Variants in BAIAP2 observed in about 807,000 individuals in gnomAD.
BAIAP2 encodes the protein BAR/IMD domain-containing adapter protein 2.
In BAIAP2, 18 loss-of-function variants were observed where a neutral mutation model predicts 63.0. The ratio of observed to expected loss-of-function variants is 0.29; its 90% CI spans 0.20 to 0.42. The LOEUF (loss-of-function observed/expected upper bound fraction) is 0.42, where lower values mean the gene tolerates loss of function less well. Ranked by LOEUF, BAIAP2 falls within the 10% of genes least tolerant of loss-of-function variation. The probability of loss-of-function intolerance (pLI) is 1.00; values close to 1 mark genes in which losing one functional copy is unlikely to be tolerated. For missense variants in BAIAP2, 610 were observed against 734.3 expected (o/e 0.83, Z 1.96); for synonymous variants, 386 against 307.6 (o/e 1.25, Z -2.67).
intron 1 of BAIAP2, among the ~76,000 whole-genome samples, chr17:81,051,570 T>G (rs1287006566): frequency 6.6e-6 from 1 of 152,188 alleles, no homozygotes; most frequent in Non-Finnish European, 1.5e-5. Flanking sequence ...CGGCTTTTTG[T>G]ATTTTTAGTA....
chr17:81,110,246 G>A (rs1375419266), intron 13 of BAIAP2: 46 of 984,822 alleles, frequency 4.7e-5, no homozygotes, highest in Admixed American at 2.5e-4. Context: ...AGCTCAAGAC[G>A]CGGACCGCGT....
chr17:81,100,839 G>T (rs2058384392), intron 7 of BAIAP2, among the ~76,000 whole-genome samples: 1 of 152,120 alleles, frequency 6.6e-6, no homozygotes. Flanking sequence ...TGGTCACAGG[G>T]TCCTCCCCTG....
At chr17:81,091,062 G>A (rs2056660076) in intron 6 of BAIAP2, among the ~76,000 whole-genome samples, 1 of 87,730 alleles carries the variant, frequency 1.1e-5, no homozygotes, top group Non-Finnish European at 2.7e-5. Flanking sequence ...CCACTTGTGT[G>A]GACCCGCCCC....
chr17:81,060,019 G>T (rs189098600), intron 3 of BAIAP2, among the ~76,000 whole-genome samples: 2 of 152,176 alleles, frequency 1.3e-5, no homozygotes, highest in African/African-American at 4.8e-5. Flanking sequence ...AGACGTGAGG[G>T]CTCTTACTTG....
In BAIAP2 at chr17:81,116,230, G is replaced by A; in HGVS notation, c.*391G>A. ...AATAAACAGGCTTCTCCTGCACCAGGTGTGATCTGTCCGCCCAAGGGCCAG... is the reference window on the plus strand; with the variant it reads ...AATAAACAGGCTTCTCCTGCACCAGATGTGATCTGTCCGCCCAAGGGCCAG... On this transcript the variant is annotated 3_prime_UTR_variant, in exon 14 of 14. Coordinates refer to ENST00000428708, the MANE Select transcript of BAIAP2 (RefSeq NM_001144888.2). The A allele has an allele frequency of 6.2e-7, 1 of 1,612,336 alleles. No individual in the cohort carries two copies. The highest frequency in any genetic ancestry group is 8.5e-7 in the Non-Finnish European group (1 of 1,179,592).
chr17:81,069,159 T>G (rs2052080118), intron 3 of BAIAP2, among the ~76,000 whole-genome samples: 1 of 152,182 alleles, frequency 6.6e-6, no homozygotes, highest in South Asian at 2.1e-4. Context: ...CTCCGAATGG[T>G]GGGTCCACGG....
intron 3 of BAIAP2, 75 bp from the exon 4 acceptor site, chr17:81,084,757 A>T: frequency 1.3e-6 from 2 of 1,484,594 alleles, no homozygotes; most frequent in Non-Finnish European, 1.9e-6. Context: ...GGTGGCTGTC[A>T]GCCCAGAGTG....
chr17:81,077,269 A>G (rs1366265957), intron 3 of BAIAP2, among the ~76,000 whole-genome samples: 1 of 152,080 alleles, frequency 6.6e-6, no homozygotes, highest in Non-Finnish European at 1.5e-5. Context: ...CACACCGGCC[A>G]CAGTCCCAAT....
chr17:81,116,092 C>A lies in BAIAP2; in HGVS notation c.*253C>A, dbSNP rs961134157. On this transcript the variant is annotated 3_prime_UTR_variant, in exon 14 of 14. Coordinates refer to ENST00000428708, the MANE Select transcript of BAIAP2 (RefSeq NM_001144888.2). ...GCTGAGGGGCCGCCTCTTGAGGGTACACGCCTCTGGTCACATGGCCATGGA... is the reference window on the plus strand; with the variant it reads ...GCTGAGGGGCCGCCTCTTGAGGGTAAACGCCTCTGGTCACATGGCCATGGA... The A allele has an allele frequency of 6.6e-6, 10 of 1,520,506 alleles. No homozygotes were observed. The highest frequency in any genetic ancestry group is 2.3e-5 in the East Asian group (1 of 42,912). The allele number at this position is 1,520,506 out of a possible 1,614,324, so 94.2% of individuals were successfully genotyped here. A position where few individuals can be genotyped will look rare whatever the true frequency, so the allele number is the denominator to read the frequency against.
intron 1 of BAIAP2, among the ~76,000 whole-genome samples, chr17:81,042,746 T>C (rs1303364644): frequency 6.6e-6 from 1 of 151,960 alleles, no homozygotes; most frequent in Non-Finnish European, 1.5e-5. Flanking sequence ...GGGGAGAGGG[T>C]GTCCCCTAGC....
At chr17:81,045,438 C>T (rs1209729055) in intron 1 of BAIAP2, among the ~76,000 whole-genome samples, 1 of 152,124 alleles carries the variant, frequency 6.6e-6, no homozygotes, top group African/African-American at 2.4e-5. Flanking sequence ...TTCATGGTCC[C>T]TGTCCTGGGA....
Position 81,046,131 on chromosome 17 carries a change from AAGG to A in BAIAP2, c.55-7529_55-7527del, listed in dbSNP as rs1193912855. 1.3e-5 allele frequency among the ~76,000 whole-genome samples: 2 copies of A among 152,056 alleles called. No homozygotes were observed. The highest frequency in any genetic ancestry group is 2.9e-5 in the Non-Finnish European group (2 of 67,964). On this transcript the variant is annotated intron_variant, in intron 1 of 13. Transcript: ENST00000428708. The surrounding 1 kb of genome is among the most constrained non-coding windows in gnomAD (Gnocchi z 4.5). Reference sequence around the variant, plus strand: ...TCCTGCACGCCCAGCTGCAGGGGGTAAGGAGGAGGATGGTGTCTCTGCCTGGTT... The same window carrying A: ...TCCTGCACGCCCAGCTGCAGGGGGTAAGGAGGATGGTGTCTCTGCCTGGTT...
intron 3 of BAIAP2, 92 bp from the exon 4 acceptor site, chr17:81,084,740 T>C (rs2055272435): frequency 7.6e-7 from 1 of 1,321,260 alleles, no homozygotes; most frequent in Non-Finnish European, 1.1e-6. Context: ...GTCACAGGGC[T>C]TCCCTGGGTG....
chr17:81,109,007 AC>A, intron 13 of BAIAP2: 1 of 1,545,482 alleles, frequency 6.5e-7, no homozygotes. Flanking sequence ...GAGGACGCTG[AC>A]CCCGGGCAGC....
chr17:81,070,572 G>A lies in BAIAP2; in HGVS notation c.217+12605G>A, dbSNP rs914414129. On this transcript the variant is annotated intron_variant, in intron 3 of 13. Transcript: ENST00000428708. ...GCAGAGGGGTTCCTAGTGGACGCGGGGGCAGGAGAAGGCCCTGGCGTGCCT... is the reference window on the plus strand; with the variant it reads ...GCAGAGGGGTTCCTAGTGGACGCGGAGGCAGGAGAAGGCCCTGGCGTGCCT... Among the ~76,000 whole-genome samples, 5 of 152,194 alleles carry A rather than the reference G, an allele frequency of 3.3e-5. No individual in the cohort carries two copies. In the East Asian group the frequency reaches 5.8e-4, roughly 18 times the overall value.
At chr17:81,051,528 T>C (rs1484593622) in intron 1 of BAIAP2, among the ~76,000 whole-genome samples, 1 of 152,178 alleles carries the variant, frequency 6.6e-6, no homozygotes, top group Non-Finnish European at 1.5e-5. Context: ...GGCTCCCAAG[T>C]AGCTGGGATT....
chr17:81,080,771 A>T (rs1255728737), intron 3 of BAIAP2, among the ~76,000 whole-genome samples: 1 of 152,124 alleles, frequency 6.6e-6, no homozygotes, highest in Non-Finnish European at 1.5e-5. Flanking sequence ...GCTCCCAGCT[A>T]CTTGGGAGGC....
In BAIAP2 at chr17:81,109,249, C is replaced by T. The variant is rs1261319826; in HGVS notation, c.1535+740C>T. On this transcript the variant is annotated intron_variant, in intron 13 of 13. Transcript: ENST00000428708. ...TCCCAGCCTTTTGAGCAGAAACTGC[C>T]AGGCAGGACCTGCTGGGCCGTGCGG... The T allele has an allele frequency of 1.4e-5, 19 of 1,354,886 alleles. No homozygotes were observed. In the South Asian group the frequency reaches 2.8e-4, roughly 20 times the overall value. 83.9% of individuals were successfully genotyped at this position (1,354,886 alleles called of 1,614,324 possible).
chr17:81,103,830 G>A (rs1023575047), intron 8 of BAIAP2, 77 bp from the exon 9 acceptor site: 32 of 1,595,470 alleles, frequency 2.0e-5, no homozygotes, highest in Non-Finnish European at 2.6e-5. Context: ...CTGCTGAGGG[G>A]GCGGAGGGTT....
Sources: allele counts gnomAD v4.1 joint callset (sites outside exome capture counted in the v4.1 genomes callset), GRCh38; gene constraint gnomAD v4.1.1; non-coding constraint Gnocchi (gnomAD v3.1); transcripts MANE v1.5; gene names NCBI Gene and HGNC (gene_info 2026-07-23, HGNC 2026-07-21).